Variants in SDCBP2 observed in about 807,000 individuals in gnomAD.
SDCBP2 encodes the protein syntenin-2.
Under a neutral mutation model 30.7 loss-of-function variants are expected in SDCBP2, and 28 were observed. That is an observed-to-expected ratio of 0.91 (90% CI 0.68 to 1.25). SDCBP2 has a LOEUF of 1.25. Among genes scored for constraint, SDCBP2 ranks in the 50% most tolerant of loss-of-function variants. The probability of loss-of-function intolerance (pLI) is 0.00; values close to 1 mark genes in which losing one functional copy is unlikely to be tolerated. For missense variants in SDCBP2, 399 were observed against 379.0 expected (o/e 1.05, Z -0.44); for synonymous variants, 166 against 157.3 (o/e 1.06, Z -0.41).
At position 1,313,198 on chromosome 20, in the gene SDCBP2, C is replaced by G; in HGVS notation, c.384+142G>C. 1.1e-6 allele frequency: 1 copy of G among 878,076 alleles called. No homozygotes were observed. The highest frequency in any genetic ancestry group is 1.6e-5 in the South Asian group (1 of 61,626). The allele number at this position is 878,076 out of a possible 1,614,324, so 54.4% of individuals were successfully genotyped here. A position where few individuals can be genotyped will look rare whatever the true frequency, so the allele number is the denominator to read the frequency against. ...CCGCCCGGGTCTCGGGGAGGAGGGACTGGGGGCAAGAGCCTGGCCGCTGGG... is the reference window on the plus strand; with the variant it reads ...CCGCCCGGGTCTCGGGGAGGAGGGAGTGGGGGCAAGAGCCTGGCCGCTGGG... On this transcript the variant is annotated intron_variant, in intron 5 of 8. Transcript: ENST00000360779. This position sits in a 1 kb window ranked among gnomAD's most constrained non-coding sequence, Gnocchi z 5.2.
intron 2 of SDCBP2, among the ~76,000 whole-genome samples, chr20:1,319,977 G>A (rs1467033072): frequency 6.6e-6 from 1 of 152,190 alleles, no homozygotes; most frequent in Non-Finnish European, 1.5e-5. Context: ...AAAACCCACT[G>A]GAACCACAGA....
At position 1,313,116 on chromosome 20, in the gene SDCBP2, AGC is replaced by A. The variant is rs985362979; in HGVS notation, c.384+222_384+223del. On this transcript the variant is annotated intron_variant, in intron 5 of 8. Coordinates refer to ENST00000360779, the MANE Select transcript of SDCBP2 (RefSeq NM_080489.5). This position sits in a 1 kb window ranked among gnomAD's most constrained non-coding sequence, Gnocchi z 5.2. The stretch of plus-strand genomic sequence containing the variant: ...CAGGTGGGGAAGGGAGGCTCCTCCG[AGC>A]GACGGAAGCCCACGGAGAGGCCAGT... 1.2e-5 allele frequency: 7 copies of A among 603,062 alleles called. No homozygotes were observed. The highest frequency in any genetic ancestry group is 5.6e-5 in the African/African-American group (3 of 53,748). The allele number at this position is 603,062 out of a possible 1,614,324, so 37.4% of individuals were successfully genotyped here.
intron 1 of SDCBP2, among the ~76,000 whole-genome samples, chr20:1,328,737 G>A (rs1057216210): frequency 6.6e-6 from 1 of 152,158 alleles, no homozygotes; most frequent in Admixed American, 6.5e-5. Context: ...GGAGAAATGG[G>A]CTTTTTGCCT....
chr20:1,318,523 C>G (rs758754152), intron 3 of SDCBP2, 105 bp from the exon 4 acceptor site: 63 of 669,822 alleles, frequency 9.4e-5, no homozygotes, highest in Non-Finnish European at 1.3e-4. Context: ...GAAATGGAGC[C>G]TGGGAATGGT....
intron 4 of SDCBP2, among the ~76,000 whole-genome samples, chr20:1,314,589 CAAAAAA>C (rs11473327): frequency 7.0e-5 from 7 of 99,338 alleles, no homozygotes; most frequent in Admixed American, 1.1e-4. Context: ...TACAATCACT[CAAAAAA>C]AAAAAAAAAA....
intron 2 of SDCBP2, 64 bp from the exon 3 acceptor site, chr20:1,319,723 G>A: frequency 3.7e-6 from 5 of 1,364,766 alleles, no homozygotes; most frequent in Non-Finnish European, 4.9e-6. Context: ...AGAGCCTGGA[G>A]CTCCATGAGG....
chr20:1,315,495 C>CTCCA (rs34569520), intron 4 of SDCBP2, among the ~76,000 whole-genome samples: 32,288 of 151,950 alleles, frequency 0.21, 3,688 homozygotes, highest in Non-Finnish European at 0.25. Flanking sequence ...TGTCACTGCA[C>CTCCA]TCCAGCCTGG....
chr20:1,310,342 T>G lies in SDCBP2; in HGVS notation c.*99A>C. 1 of 1,293,296 alleles carries G rather than the reference T, an allele frequency of 7.7e-7. No individual in the cohort carries two copies. Among genetic ancestry groups the G allele is most frequent in the Non-Finnish European group, 1.1e-6 (1 of 903,454 alleles). 80.1% of individuals were successfully genotyped at this position (1,293,296 alleles called of 1,614,324 possible). The stretch of plus-strand genomic sequence containing the variant: ...CGCCCCCCTCATGGCAGCCCCCACC[T>G]TAAGCAGCAGGCCGGCTGCAACCCA... On this transcript the variant is annotated 3_prime_UTR_variant, in exon 9 of 9. Transcript: ENST00000360779.
intron 1 of SDCBP2, among the ~76,000 whole-genome samples, chr20:1,327,701 A>G (rs748650993): frequency 1.3e-5 from 2 of 152,276 alleles, no homozygotes; most frequent in Admixed American, 6.5e-5. Flanking sequence ...CTGGATAACA[A>G]TAGTTGCATC....
chr20:1,311,216 C>A, intron 7 of SDCBP2: 1 of 249,718 alleles, frequency 4.0e-6, no homozygotes, highest in Non-Finnish European at 7.7e-6. Context: ...TCTCCTCCCC[C>A]TTCCAAGGGC....
intron 7 of SDCBP2, among the ~76,000 whole-genome samples, chr20:1,312,015 T>TCAG (rs553576216): frequency 6.1e-4 from 90 of 147,910 alleles, no homozygotes; most frequent in African/African-American, 2.2e-3. Context: ...TCCTCCCACC[T>TCAG]CAGCCTCCTG....
At chr20:1,319,504 A>G (rs2088824274) in intron 3 of SDCBP2, 86 bp downstream of exon 3, 2 of 1,382,788 alleles carry the variant, frequency 1.4e-6, no homozygotes, top group African/African-American at 1.4e-5. Context: ...GGAGCCTCCC[A>G]TACCTTTGGC....
intron 1 of SDCBP2, among the ~76,000 whole-genome samples, chr20:1,326,626 C>A (rs2088931756): frequency 6.6e-6 from 1 of 152,220 alleles, no homozygotes; most frequent in Non-Finnish European, 1.5e-5. Flanking sequence ...GATTGGCAAG[C>A]CTCCCTTCTC....
chr20:1,325,233 C>T (rs987727514), intron 1 of SDCBP2, among the ~76,000 whole-genome samples: 2 of 152,218 alleles, frequency 1.3e-5, no homozygotes, highest in South Asian at 2.1e-4. Flanking sequence ...TGACTATAAC[C>T]CCTTTCTTAG....
rs565073163 is a variant in SDCBP2, at chr20:1,314,271, T to C, written c.226-773A>G. Among the ~76,000 whole-genome samples, 7 of 152,086 alleles carry C rather than the reference T, an allele frequency of 4.6e-5. No individual in the cohort carries two copies. In the East Asian group the frequency reaches 1.4e-3, roughly 29 times the overall value. On this transcript the variant is annotated intron_variant, in intron 4 of 8. Coordinates refer to ENST00000360779, the MANE Select transcript of SDCBP2 (RefSeq NM_080489.5). Reference sequence around the variant, plus strand: ...TGGGAGGCCGAGGAAGATGGATCACTTGAGCCCAGGAGTTCAAGACTAGCC... The same window carrying C: ...TGGGAGGCCGAGGAAGATGGATCACCTGAGCCCAGGAGTTCAAGACTAGCC...
In SDCBP2 at chr20:1,310,366, C is replaced by T; in HGVS notation, c.*75G>A. The T allele has an allele frequency of 6.8e-7, 1 of 1,472,168 alleles. No homozygotes were observed. The highest frequency in any genetic ancestry group is 1.2e-5 in the South Asian group (1 of 86,938). The allele number at this position is 1,472,168 out of a possible 1,614,324, so 91.2% of individuals were successfully genotyped here. ...CTTAAGCAGCAGGCCGGCTGCAACC[C>T]ATCATCCGAGGGTGGTTGCCCTTTG... is the stretch of plus-strand genomic sequence containing the variant. On this transcript the variant is annotated 3_prime_UTR_variant, in exon 9 of 9. Transcript: ENST00000360779.
In SDCBP2 at chr20:1,310,481, A is replaced by G. The variant is rs2088644571; in HGVS notation, c.839T>C (p.Leu280Pro). The G allele has an allele frequency of 6.2e-7, 1 of 1,613,778 alleles. No individual in the cohort carries two copies. Among genetic ancestry groups the G allele is most frequent in the Non-Finnish European group, 8.5e-7 (1 of 1,180,002 alleles). The stretch of plus-strand genomic sequence containing the variant: ...GGAGTGGTCCATGGTGTGGTGGAGC[A>G]GGACTGGAGGCAACCTGGATACAGC... ...EHMVKKLPPV[L>P]LHHTMDHSIP... is the part of the protein sequence containing the mutation. Residue 280 changes from leucine to proline, a missense_variant, in exon 9 of 9, where the codon CTG becomes CCG. Leu to Pro is a moderately conservative substitution (Grantham distance 98). Coordinates refer to ENST00000360779, the MANE Select transcript of SDCBP2 (RefSeq NM_080489.5).
chr20:1,312,261 G>C (rs950415104), intron 7 of SDCBP2, 76 bp downstream of exon 7: 13 of 1,432,396 alleles, frequency 9.1e-6, no homozygotes, highest in African/African-American at 7.0e-5. Flanking sequence ...AGGCTCAGGT[G>C]GGGTAAGCAA....
chr20:1,310,585 T>A lies in SDCBP2; in HGVS notation c.825-90A>T, dbSNP rs181846576. Reference sequence around the variant, plus strand: ...CCCCCTTCCGAGCCAGTGCATCCCATGTGGGCCTTCACTCCCAGTTCTAAG... The same window carrying A: ...CCCCCTTCCGAGCCAGTGCATCCCAAGTGGGCCTTCACTCCCAGTTCTAAG... On this transcript the variant is annotated intron_variant, in intron 8 of 8. Transcript: ENST00000360779. 4.2e-4 allele frequency: 537 copies of A among 1,284,022 alleles called. 5 individuals are homozygous for A. In the Admixed American group the frequency reaches 8.6e-3, roughly 21 times the overall value. 79.5% of individuals were successfully genotyped at this position (1,284,022 alleles called of 1,614,324 possible).
Sources: gnomAD v4.1 joint callset for allele counts (sites outside exome capture counted in the v4.1 genomes callset) on GRCh38, gnomAD v4.1.1 for gene constraint, Gnocchi (gnomAD v3.1) non-coding constraint, MANE v1.5 for transcripts, NCBI Gene and HGNC (gene_info 2026-07-23, HGNC 2026-07-21) for gene names.